PRSS12: variants seen among roughly 807,000 people sequenced by gnomAD.
The protein encoded by PRSS12 is serine protease 12.
In PRSS12, 85 loss-of-function variants were observed where a neutral mutation model predicts 104.4. The observed-to-expected ratio is 0.81, with a 90% CI of 0.68 to 0.98. The LOEUF (loss-of-function observed/expected upper bound fraction) is 0.98. Ranked by LOEUF, PRSS12 falls within the 50% of genes least tolerant of loss-of-function variation. PRSS12 has a pLI of 0.00. For synonymous variants in PRSS12, 454 were observed against 425.2 expected, an observed-to-expected ratio of 1.07 and a Z score of -0.83; for missense variants, 1,141 against 1,139.2, an observed-to-expected ratio of 1.00 and a Z score of -0.02.
intron 11 of PRSS12, among the ~76,000 whole-genome samples, chr4:118,294,581 T>A (rs1743210521): frequency 6.6e-6 from 1 of 151,962 alleles, no homozygotes; most frequent in Non-Finnish European, 1.5e-5. Flanking sequence ...ACAACTGCAT[T>A]CCCTAGTCCT....
chr4:118,323,604 G>A lies in PRSS12; in HGVS notation c.972-5048C>T, dbSNP rs867994981. Among the ~76,000 whole-genome samples, 4 of 151,870 alleles carry A rather than the reference G, an allele frequency of 2.6e-5. No homozygotes were observed. The East Asian group carries it at 5.8e-4, about 22-fold the overall frequency. On this transcript the variant is annotated intron_variant, in intron 4 of 12. Transcript: ENST00000296498. The stretch of plus-strand genomic sequence containing the variant: ...TAGGAACATAGTTTTTATAACCTTG[G>A]ATGTAAGAGAGAATTCCTAGGAAAC...
chr4:118,318,719 T>C (rs531526201), intron 4 of PRSS12, among the ~76,000 whole-genome samples, 163 bp from the exon 5 acceptor site: 1 of 152,316 alleles, frequency 6.6e-6, no homozygotes, highest in African/African-American at 2.4e-5. Context: ...TATTTGTTTG[T>C]TGTCCTTTAT....
At chr4:118,319,821 G>A (rs1723561822) in intron 4 of PRSS12, among the ~76,000 whole-genome samples, 1 of 152,030 alleles carries the variant, frequency 6.6e-6, no homozygotes, top group African/African-American at 2.4e-5. Flanking sequence ...GGGACTATAA[G>A]TGCATACCAC....
chr4:118,302,294 T>C (rs959259319), intron 8 of PRSS12, among the ~76,000 whole-genome samples: 2 of 152,202 alleles, frequency 1.3e-5, no homozygotes, highest in Admixed American at 6.5e-5. Flanking sequence ...TAACTTTGTA[T>C]GTAGATTCAT....
chr4:118,315,317 G>C (rs1205485800), intron 6 of PRSS12, among the ~76,000 whole-genome samples: 1 of 151,956 alleles, frequency 6.6e-6, no homozygotes, highest in East Asian at 1.9e-4. Flanking sequence ...AAAAATTATG[G>C]AGTTTTTTAT....
At chr4:118,299,808 T>TAAAATAAATAAAATAAAATAAATA (rs1189816114) in intron 8 of PRSS12, among the ~76,000 whole-genome samples, 1 of 91,692 alleles carries the variant, frequency 1.1e-5, no homozygotes, top group African/African-American at 3.9e-5. Flanking sequence ...TAAAATAAAA[T>TAAAATAAATAAAATAAAATAAATA]AAATAAAATA....
At chr4:118,323,118 G>A (rs1723676527) in intron 4 of PRSS12, among the ~76,000 whole-genome samples, 1 of 151,924 alleles carries the variant, frequency 6.6e-6, no homozygotes, top group South Asian at 2.1e-4. Context: ...GAAAAAGTTT[G>A]CAGACCCCTG....
intron 9 of PRSS12, among the ~76,000 whole-genome samples, chr4:118,297,132 A>T (rs1743271588): frequency 6.6e-6 from 1 of 152,226 alleles, no homozygotes; most frequent in Non-Finnish European, 1.5e-5. Flanking sequence ...CTTCAGTTTG[A>T]ATCACCTTAT....
rs754153831 is a variant in PRSS12, at chr4:118,318,447, T to C, written c.1081A>G (p.Lys361Glu). The C allele has an allele frequency of 9.3e-6, 15 of 1,613,998 alleles. No homozygotes were observed. The highest frequency in any genetic ancestry group is 1.0e-5 in the Non-Finnish European group (12 of 1,179,994). The change falls in exon 5 of 13, where the codon AAG becomes GAG. Residue 361 changes from lysine (K) to glutamate (E), a missense_variant. Transcript: ENST00000296498. ...CAGTTATGCTCTCCCCAGGAGCTCT[T>C]TGGACACTGCTCAATTGAAAGCTCA... Reference protein sequence around the residue: ...GNELSIEQCPKSSWGEHNCGH... With the variant: ...GNELSIEQCPESSWGEHNCGH...
intron 6 of PRSS12, among the ~76,000 whole-genome samples, chr4:118,315,203 A>G (rs1246649062): frequency 6.6e-6 from 1 of 152,116 alleles, no homozygotes; most frequent in African/African-American, 2.4e-5. Context: ...AAAAATTGTG[A>G]GTATGTAGCA....
At chr4:118,350,011 A>G (rs1020437867) in intron 1 of PRSS12, among the ~76,000 whole-genome samples, 2 of 152,338 alleles carry the variant, frequency 1.3e-5, no homozygotes, top group African/African-American at 4.8e-5. Context: ...CAAAAAATAA[A>G]TAAATAAATA....
Position 118,298,778 on chromosome 4 carries a change from T to C in PRSS12, c.1792A>G (p.Ile598Val). Residue 598 changes from isoleucine to valine, a missense_variant, in exon 9 of 13, where the codon ATT becomes GTT. Coordinates refer to ENST00000296498, the MANE Select transcript of PRSS12 (RefSeq NM_003619.4). ...NCRHSEDAGV[I>V]CDYFGKKASG... is the part of the protein sequence containing the mutation. ...GCCTTCTTGCCAAAATAATCACAAA[T>C]AACTCCTGCATCTTCACTGTGGCGG... is the stretch of plus-strand genomic sequence containing the variant. 6.2e-7 allele frequency: 1 copy of C among 1,614,192 alleles called. No individual in the cohort carries two copies. Among genetic ancestry groups the C allele is most frequent in the Non-Finnish European group, 8.5e-7 (1 of 1,180,018 alleles).
chr4:118,340,017 T>C (rs182757560), intron 1 of PRSS12, among the ~76,000 whole-genome samples: 75 of 152,328 alleles, frequency 4.9e-4, no homozygotes, highest in African/African-American at 1.7e-3. Context: ...TGTGTACTTA[T>C]GCACATTAAG....
intron 1 of PRSS12, among the ~76,000 whole-genome samples, chr4:118,346,458 T>TTA (rs35783323): frequency 0.077 from 11,324 of 147,760 alleles, 567 homozygotes; most frequent in Non-Finnish European, 0.11. Context: ...ACTTTCCTAT[T>TTA]TATATATATA....
chr4:118,332,972 C>G (rs533507392), intron 3 of PRSS12, among the ~76,000 whole-genome samples: 1 of 152,180 alleles, frequency 6.6e-6, no homozygotes, highest in African/African-American at 2.4e-5. Flanking sequence ...GGAGTACAGA[C>G]AAGAGATTAT....
intron 12 of PRSS12, among the ~76,000 whole-genome samples, chr4:118,282,540 AT>A (rs1742909274): frequency 6.6e-6 from 1 of 152,322 alleles, no homozygotes; most frequent in East Asian, 1.9e-4. Flanking sequence ...TCGTATTTGA[AT>A]TCTGTATATT....
intron 2 of PRSS12, among the ~76,000 whole-genome samples, chr4:118,336,616 G>A (rs1353913785): frequency 2.6e-5 from 4 of 152,008 alleles, no homozygotes; most frequent in Non-Finnish European, 4.4e-5. Flanking sequence ...AGCTGGATCA[G>A]CTTATCTGAA....
At chr4:118,331,996 G>A in intron 3 of PRSS12, 130 bp from the exon 4 acceptor site, 1 of 1,133,688 alleles carries the variant, frequency 8.8e-7, no homozygotes, top group African/African-American at 1.6e-5. Context: ...CAGTGATATG[G>A]ACATACGTAT....
chr4:118,308,582 G>C lies in PRSS12; in HGVS notation c.1490-5C>G, dbSNP rs996305595. 2 of 1,587,262 alleles carry C rather than the reference G, an allele frequency of 1.3e-6. No individual in the cohort carries two copies. Among genetic ancestry groups the C allele is most frequent in the African/African-American group, 2.7e-5 (2 of 73,894 alleles). ...CCATCAGTCTGACAGGAAAACCTAA[G>C]TCATGATTCAAAAGTATTAGAACAG... On this transcript the variant is annotated splice_polypyrimidine_tract_variant and splice_region_variant and intron_variant, in intron 7 of 12. Coordinates refer to ENST00000296498, the MANE Select transcript of PRSS12 (RefSeq NM_003619.4).
Sources: allele counts gnomAD v4.1 joint callset (sites outside exome capture counted in the v4.1 genomes callset), GRCh38; gene constraint gnomAD v4.1.1; transcripts MANE v1.5; gene names NCBI Gene and HGNC (gene_info 2026-07-23, HGNC 2026-07-21).